Variants in PRKDC observed in about 807,000 individuals in gnomAD.
The protein encoded by PRKDC is DNA-dependent protein kinase catalytic subunit.
Under a neutral mutation model 486.9 loss-of-function variants are expected in PRKDC, and 82 were observed. The ratio of observed to expected loss-of-function variants is 0.17; its 90% CI spans 0.14 to 0.20. The LOEUF (loss-of-function observed/expected upper bound fraction) is 0.20. Among genes scored for constraint, PRKDC ranks in the 10% least tolerant of loss-of-function variants. PRKDC has a pLI of 1.00. For missense variants in PRKDC, 4,504 were observed against 5,038.2 expected (o/e 0.89, Z 3.21); for synonymous variants, 1,895 against 1,837.0 (o/e 1.03, Z -0.81).
Position 47,900,455 on chromosome 8 carries a change from A to C in PRKDC, c.3282T>G (p.Ser1094=). ...CTTCAAACACAAACTGTTCCACCAG[A>C]GACTCTTCTTCCCTGTAAAATAAAG... ...NIYREFREEE[S]LVEQFVFEAL... is the part of the protein sequence containing the mutation. Residue 1094 remains serine (S), a synonymous_variant, in exon 28 of 86, where the codon TCT becomes TCG. Transcript: ENST00000314191. 1 of 1,608,522 alleles carries C rather than the reference A, an allele frequency of 6.2e-7. No individual in the cohort carries two copies. Among genetic ancestry groups the C allele is most frequent in the Non-Finnish European group, 8.5e-7 (1 of 1,177,368 alleles).
At chr8:47,819,298 C>T (rs2087527823) in intron 67 of PRKDC, 104 bp downstream of exon 67, 3 of 672,148 alleles carry the variant, frequency 4.5e-6, no homozygotes, top group East Asian at 6.0e-5. Flanking sequence ...AGTTTCCAAC[C>T]CATACATTAA....
intron 30 of PRKDC, among the ~76,000 whole-genome samples, chr8:47,896,142 T>C (rs781366654): frequency 9.2e-5 from 14 of 152,026 alleles, no homozygotes; most frequent in Admixed American, 6.6e-5. Flanking sequence ...TATAGTAAAT[T>C]TATACTTCAT....
Position 47,953,683 on chromosome 8 carries a change from G to C in PRKDC, c.658C>G (p.Leu220Val), listed in dbSNP as rs755898473. 2 of 1,613,420 alleles carry C rather than the reference G, an allele frequency of 1.2e-6. No individual in the cohort carries two copies. The highest frequency in any genetic ancestry group is 4.5e-5 in the East Asian group (2 of 44,884). ...SAVREPKLPV[L>V]AGCLKGLSSL... is the part of the protein sequence containing the mutation. ...GACAACCCCTTCAGACATCCTGCCA[G>C]AACAGGTAGTTTGGGCTCTCTTACT... is the stretch of plus-strand genomic sequence containing the variant. Residue 220 changes from leucine (L) to valine (V), a missense_variant, in exon 7 of 86, where the codon CTG becomes GTG. Physicochemically the swap from Leu to Val is conservative, Grantham distance 32 (BLOSUM62 1). This residue lies in a region of PRKDC where 1,969 missense variants were observed against 2,068.9 expected (regional missense o/e 0.95). Transcript: ENST00000314191.
intron 10 of PRKDC, among the ~76,000 whole-genome samples, chr8:47,940,936 C>G (rs1302317989): frequency 6.6e-6 from 1 of 152,090 alleles, no homozygotes; most frequent in African/African-American, 2.4e-5. Context: ...CTGAGGTCAG[C>G]CTGGCCAACA....
intron 62 of PRKDC, 121 bp from the exon 63 acceptor site, chr8:47,826,982 G>T: frequency 1.1e-6 from 1 of 909,730 alleles, no homozygotes; most frequent in Non-Finnish European, 1.6e-6. Context: ...ATCACCAGAA[G>T]TTTCTCTGTG....
chr8:47,845,291 T>G (rs1480305598), intron 54 of PRKDC, among the ~76,000 whole-genome samples: 1 of 150,596 alleles, frequency 6.6e-6, no homozygotes, highest in African/African-American at 2.4e-5. Flanking sequence ...AAATCCAGAG[T>G]GGAATTGAAT....
At chr8:47,851,096 C>T (rs1351634355) in intron 52 of PRKDC, among the ~76,000 whole-genome samples, 1 of 152,242 alleles carries the variant, frequency 6.6e-6, no homozygotes, top group Non-Finnish European at 1.5e-5. Flanking sequence ...AGGCATGAGC[C>T]ACAGCACCCG....
At chr8:47,926,775 T>TTCACCA (rs1169658749) in intron 21 of PRKDC, 3 of 153,148 alleles carry the variant, frequency 2.0e-5, no homozygotes, top group Non-Finnish European at 4.4e-5. Flanking sequence ...ATTAGTGTGC[T>TTCACCA]TCACCAGTTA....
chr8:47,886,897 C>A (rs1016002153), intron 35 of PRKDC, among the ~76,000 whole-genome samples: 1 of 152,256 alleles, frequency 6.6e-6, no homozygotes, highest in South Asian at 2.1e-4. Flanking sequence ...GCTATGTTGT[C>A]CAGGATGGTC....
chr8:47,931,686 T>TA (rs1232029912), intron 16 of PRKDC, among the ~76,000 whole-genome samples: 1 of 152,198 alleles, frequency 6.6e-6, no homozygotes, highest in Admixed American at 6.5e-5. Context: ...CATTGCCTCT[T>TA]GTCTAACTTC....
In PRKDC at chr8:47,834,339, TGGTCGACCAGCG is replaced by T; in HGVS notation, c.7997_8008del (p.Pro2666_Asp2669del). 6.2e-7 allele frequency: 1 copy of T among 1,614,008 alleles called. No individual in the cohort carries two copies. The highest frequency in any genetic ancestry group is 8.5e-7 in the Non-Finnish European group (1 of 1,179,898). On this transcript the variant is annotated inframe_deletion, in exon 59 of 86. Coordinates refer to ENST00000314191, the MANE Select transcript of PRKDC (RefSeq NM_006904.7). ...CAAGGAGTCAGATGAGGGACTGGTG[TGGTCGACCAGCG>T]GGTCAGTGCTGCTCCCGGTCAGCCA...
At chr8:47,900,797 C>T (rs912656281) in intron 27 of PRKDC, among the ~76,000 whole-genome samples, 2 of 150,820 alleles carry the variant, frequency 1.3e-5, no homozygotes, top group Non-Finnish European at 2.9e-5. Flanking sequence ...TGCAGTGAGC[C>T]GAGATCCTGC....
At position 47,856,285 on chromosome 8, in the gene PRKDC, T is replaced by C. The variant is rs545862566; in HGVS notation, c.6609+871A>G. 2.0e-5 allele frequency among the ~76,000 whole-genome samples: 3 copies of C among 152,098 alleles called. No individual in the cohort carries two copies. The East Asian group carries it at 5.8e-4, about 29-fold the overall frequency. On this transcript the variant is annotated intron_variant, in intron 49 of 85. Coordinates refer to ENST00000314191, the MANE Select transcript of PRKDC (RefSeq NM_006904.7). ...TCTGTCGCCCAGGCTGGAGCTACAG[T>C]AGTGCCATTTCAGCTCACCACAACC...
intron 74 of PRKDC, among the ~76,000 whole-genome samples, chr8:47,793,130 C>T (rs988019554): frequency 2.6e-5 from 4 of 152,208 alleles, no homozygotes; most frequent in African/African-American, 9.7e-5. Context: ...GCGATTCTTC[C>T]ACCTCGGCCT....
At chr8:47,912,686 C>T (rs1275191143) in intron 24 of PRKDC, 124 bp from the exon 25 acceptor site, 5 of 824,476 alleles carry the variant, frequency 6.1e-6, no homozygotes, top group African/African-American at 1.8e-5. Context: ...ATCATGTAAC[C>T]CAAATATAAA....
At chr8:47,940,432 A>AG (rs1233213489) in intron 10 of PRKDC, among the ~76,000 whole-genome samples, 4 of 152,196 alleles carry the variant, frequency 2.6e-5, no homozygotes, top group Non-Finnish European at 4.4e-5. Context: ...TATCAAAGGC[A>AG]GAAAAAAAAA....
At chr8:47,849,985 T>C (rs937555769) in intron 52 of PRKDC, among the ~76,000 whole-genome samples, 4 of 152,246 alleles carry the variant, frequency 2.6e-5, no homozygotes, top group Non-Finnish European at 5.9e-5. Flanking sequence ...CTGTACTGTC[T>C]GCTCATGTCC....
chr8:47,803,176 A>G, intron 70 of PRKDC, 130 bp downstream of exon 70: 1 of 872,568 alleles, frequency 1.1e-6, no homozygotes, highest in African/African-American at 1.7e-5. Flanking sequence ...TCACTTTGCT[A>G]TATTCCCTGA....
chr8:47,890,203 T>A (rs953593109), intron 32 of PRKDC, 54 bp downstream of exon 32: 10 of 1,283,500 alleles, frequency 7.8e-6, no homozygotes, highest in Non-Finnish European at 8.5e-6. Context: ...ACAGAAACCT[T>A]TGAAGTAGTT....
Sources: allele counts gnomAD v4.1 joint callset (sites outside exome capture counted in the v4.1 genomes callset), GRCh38; gene constraint gnomAD v4.1.1; regional missense constraint gnomAD v4.1.1; transcripts MANE v1.5; gene names NCBI Gene and HGNC (gene_info 2026-07-23, HGNC 2026-07-21).